The following NRXN3 variants were observed in gnomAD, a reference collection of about 807,000 sequenced individuals.
NRXN3 encodes the protein neurexin 3.
NRXN3 carries 32 observed loss-of-function variants against 137.6 expected under a neutral mutation model. The observed-to-expected ratio is 0.23, with a 90% CI of 0.18 to 0.31. The LOEUF is 0.31. Among genes scored for constraint, NRXN3 ranks in the 10% least tolerant of loss-of-function variants. The pLI, the probability that NRXN3 is intolerant of heterozygous loss-of-function variation, is 1.00. For synonymous variants in NRXN3, 798 were observed against 784.5 expected, an observed-to-expected ratio of 1.02 and a Z score of -0.29; for missense variants, 1,574 against 2,062.5, an observed-to-expected ratio of 0.76 and a Z score of 4.59.
chr14:78,633,059 C>A (rs182933059), intron 4 of NRXN3, among the ~76,000 whole-genome samples: 1,581 of 151,390 alleles, frequency 0.01, 29 homozygotes, highest in African/African-American at 0.037. Flanking sequence ...CACGGTGAAA[C>A]CCCATCTCTA....
chr14:78,860,513 G>A (rs2099069545), intron 10 of NRXN3, among the ~76,000 whole-genome samples: 1 of 151,996 alleles, frequency 6.6e-6, no homozygotes, highest in South Asian at 2.1e-4. Flanking sequence ...AAATTTCAGG[G>A]GTTGGAATTT....
At chr14:78,297,621 G>A (rs2076475565) in intron 3 of NRXN3, among the ~76,000 whole-genome samples, 1 of 152,204 alleles carries the variant, frequency 6.6e-6, no homozygotes, top group Non-Finnish European at 1.5e-5. Context: ...CTGCCCAGCA[G>A]CAGGAAGGCT....
intron 15 of NRXN3, among the ~76,000 whole-genome samples, chr14:79,137,190 G>C (rs1168174443): frequency 2.6e-5 from 4 of 152,194 alleles, no homozygotes; most frequent in Non-Finnish European, 5.9e-5. Context: ...GTCTCAATAG[G>C]TAGATCTTCA....
chr14:79,084,462 A>G (rs1297551342), intron 15 of NRXN3, among the ~76,000 whole-genome samples: 3 of 152,326 alleles, frequency 2.0e-5, no homozygotes, highest in African/African-American at 4.8e-5. Flanking sequence ...CCAACTGACT[A>G]TCATTAAAGC....
chr14:79,418,413 G>A (rs999659922), intron 15 of NRXN3, among the ~76,000 whole-genome samples: 3 of 152,140 alleles, frequency 2.0e-5, no homozygotes, highest in African/African-American at 7.2e-5. Context: ...TTTCATTTTA[G>A]TGAAGGGTTA....
chr14:79,046,534 A>G (rs997030552), intron 15 of NRXN3, among the ~76,000 whole-genome samples: 44 of 152,168 alleles, frequency 2.9e-4, no homozygotes, highest in African/African-American at 1.1e-3. Flanking sequence ...TTTTCTGTCA[A>G]ATCCCTCCCT....
chr14:79,364,985 A>T (rs2093826135), intron 15 of NRXN3, among the ~76,000 whole-genome samples: 1 of 152,196 alleles, frequency 6.6e-6, no homozygotes. Flanking sequence ...CTGCAATATT[A>T]GGTATTTTAT....
intron 15 of NRXN3, among the ~76,000 whole-genome samples, chr14:79,090,927 G>A (rs1280550985): frequency 1.3e-5 from 2 of 152,104 alleles, no homozygotes; most frequent in Non-Finnish European, 2.9e-5. Context: ...AGATAAAGGA[G>A]CTACAGAAAA....
chr14:78,272,275 C>T (rs1368915601), intron 2 of NRXN3, among the ~76,000 whole-genome samples: 5 of 152,152 alleles, frequency 3.3e-5, no homozygotes, highest in Non-Finnish European at 7.3e-5. Context: ...GCCCACAACT[C>T]CTGCAGACAG....
chr14:79,058,114 C>T (rs773691265), intron 15 of NRXN3, among the ~76,000 whole-genome samples: 1 of 151,286 alleles, frequency 6.6e-6, no homozygotes, highest in African/African-American at 2.4e-5. Flanking sequence ...GTAGGAGATG[C>T]GGGAAGGGGT....
rs150092488 is a variant in NRXN3, at chr14:78,898,223, G to A, written c.2276-59019G>A. ...TTAAGTCCATAGAAGTTAAACTTCC[G>A]GAGAGCTCCCAAGCTAATTGGTACC... is the stretch of plus-strand genomic sequence containing the variant. On this transcript the variant is annotated intron_variant, in intron 10 of 20. Coordinates refer to ENST00000335750, the MANE Select transcript of NRXN3 (RefSeq NM_001330195.2). Among the ~76,000 whole-genome samples, 181 of 152,012 alleles carry A rather than the reference G, an allele frequency of 1.2e-3. 4 individuals are homozygous for A. The East Asian group carries it at 0.019, about 16-fold the overall frequency.
chr14:78,283,313 A>C (rs904966297), intron 3 of NRXN3: 2 of 152,268 alleles, frequency 1.3e-5, no homozygotes, highest in South Asian at 4.2e-4. Flanking sequence ...TGAGGGTCAA[A>C]TCCAGCTTGC....
intron 16 of NRXN3, among the ~76,000 whole-genome samples, chr14:79,657,273 A>G (rs2098511008): frequency 6.6e-6 from 1 of 152,122 alleles, no homozygotes; most frequent in Non-Finnish European, 1.5e-5. Flanking sequence ...AATCAGTCCC[A>G]ATTCTTTTGA....
chr14:79,725,098 G>A (rs2098875974), intron 19 of NRXN3, among the ~76,000 whole-genome samples: 1 of 152,150 alleles, frequency 6.6e-6, no homozygotes. Context: ...AGGTGCAGAA[G>A]TTGCAAAACT....
intron 20 of NRXN3, among the ~76,000 whole-genome samples, chr14:79,836,809 C>A (rs181715112): frequency 2.8e-4 from 43 of 152,230 alleles, no homozygotes; most frequent in African/African-American, 9.4e-4. Flanking sequence ...AGCACCCACA[C>A]ACACACAAAA....
At position 79,225,946 on chromosome 14, in the gene NRXN3, T is replaced by A. The variant is rs188674458; in HGVS notation, c.3262+237805T>A. On this transcript the variant is annotated intron_variant, in intron 15 of 20. Transcript: ENST00000335750. ...CATTCTTCTGCTTCTTTGTCCTTTTTTAAAGACTCATGTGATTAGATCAGG... is the reference window on the plus strand; with the variant it reads ...CATTCTTCTGCTTCTTTGTCCTTTTATAAAGACTCATGTGATTAGATCAGG... Among the ~76,000 whole-genome samples, 3 of 152,270 alleles carry A rather than the reference T, an allele frequency of 2.0e-5. No homozygotes were observed. The East Asian group carries it at 5.8e-4, about 29-fold the overall frequency.
chr14:79,554,390 A>G (rs1423422881), intron 16 of NRXN3, among the ~76,000 whole-genome samples: 1 of 152,180 alleles, frequency 6.6e-6, no homozygotes, highest in Non-Finnish European at 1.5e-5. Flanking sequence ...TTCATTGAGC[A>G]TGACATACTT....
At chr14:79,495,280 G>A (rs781108792) in intron 16 of NRXN3, among the ~76,000 whole-genome samples, 1 of 152,164 alleles carries the variant, frequency 6.6e-6, no homozygotes, top group Non-Finnish European at 1.5e-5. Flanking sequence ...AAAGGTAAAT[G>A]TGTTGAAAAA....
At chr14:78,673,410 C>T (rs183774727) in intron 6 of NRXN3, among the ~76,000 whole-genome samples, 1 of 152,162 alleles carries the variant, frequency 6.6e-6, no homozygotes, top group African/African-American at 2.4e-5. Flanking sequence ...TTGATGCCAG[C>T]GGTGTCATCC....
Sources: allele counts gnomAD v4.1 joint callset (sites outside exome capture counted in the v4.1 genomes callset), GRCh38; gene constraint gnomAD v4.1.1; transcripts MANE v1.5; gene names NCBI Gene and HGNC (gene_info 2026-07-23, HGNC 2026-07-21).